GLIS1: variants seen among roughly 807,000 people sequenced by gnomAD.
The protein encoded by GLIS1 is zinc finger protein GLIS1.
A neutral mutation model predicts 63.8 loss-of-function variants in GLIS1; 24 were observed. That is an observed-to-expected ratio of 0.38 (90% CI 0.27 to 0.53). The LOEUF is 0.53. Ranked by LOEUF, GLIS1 falls within the 20% of genes least tolerant of loss-of-function variation. GLIS1 has a pLI of 0.85. For synonymous variants in GLIS1, 450 were observed against 482.5 expected (o/e 0.93, Z 0.88); for missense variants, 1,036 against 1,074.1 (o/e 0.96, Z 0.50).
At chr1:53,548,275 C>T (rs1001313082) in intron 4 of GLIS1, among the ~76,000 whole-genome samples, 2 of 152,208 alleles carry the variant, frequency 1.3e-5, no homozygotes, top group Admixed American at 6.5e-5. Context: ...CACACCAACA[C>T]GGGACTTCAA....
intron 2 of GLIS1, among the ~76,000 whole-genome samples, chr1:53,697,556 C>G (rs1285431517): frequency 6.6e-6 from 1 of 152,182 alleles, no homozygotes; most frequent in Non-Finnish European, 1.5e-5. Flanking sequence ...CCACCCCCAG[C>G]AGAGATCCAA....
intron 2 of GLIS1, among the ~76,000 whole-genome samples, chr1:53,666,763 C>T (rs142490539): frequency 4.6e-5 from 7 of 152,208 alleles, no homozygotes; most frequent in East Asian, 1.9e-4. Flanking sequence ...CCCTTCCCAT[C>T]GGCAGGTCTG....
chr1:53,576,660 G>A (rs563593435), intron 4 of GLIS1, among the ~76,000 whole-genome samples: 6 of 152,228 alleles, frequency 3.9e-5, no homozygotes, highest in African/African-American at 1.2e-4. Flanking sequence ...GATCAGCTCC[G>A]CCTTCCTGGA....
chr1:53,587,409 C>A (rs975762325), intron 4 of GLIS1, among the ~76,000 whole-genome samples: 1 of 152,154 alleles, frequency 6.6e-6, no homozygotes, highest in Non-Finnish European at 1.5e-5. Context: ...CCATCCAATC[C>A]TAGATTGAGT....
chr1:53,526,490 C>T lies in GLIS1; in HGVS notation c.1483-1603G>A, dbSNP rs1212144918. Among the ~76,000 whole-genome samples, 7 of 152,182 alleles carry T rather than the reference C, an allele frequency of 4.6e-5. No homozygotes were observed. The highest frequency in any genetic ancestry group is 2.1e-4 in the South Asian group (1 of 4,828). The stretch of plus-strand genomic sequence containing the variant: ...ATGGCCCCTGCTGCCCCCAGCCCAC[C>T]GCACCCCAGAGGTAGGCTCCCTCTC... On this transcript the variant is annotated intron_variant, in intron 5 of 10. Transcript: ENST00000628545. The surrounding 1 kb of genome is among the most constrained non-coding windows in gnomAD (Gnocchi z 4.4).
At chr1:53,579,247 G>A (rs1557461113) in intron 4 of GLIS1, among the ~76,000 whole-genome samples, 1 of 152,198 alleles carries the variant, frequency 6.6e-6, no homozygotes, top group Non-Finnish European at 1.5e-5. Context: ...TCTCACCAAT[G>A]GGGACTGGAC....
rs192869878 is a variant in GLIS1, at chr1:53,608,140, T to C, written c.260-7862A>G. Among the ~76,000 whole-genome samples the C allele has an allele frequency of 9.2e-4, 140 of 152,232 alleles. 1 individual carries two copies. The highest frequency in any genetic ancestry group is 3.1e-3 in the African/African-American group (130 of 41,528). On this transcript the variant is annotated intron_variant, in intron 2 of 10. Coordinates refer to ENST00000628545, the MANE Select transcript of GLIS1 (RefSeq NM_001367484.1). ...ACCACCATACTTGGCTAATTTTTTA[T>C]TTTTTAGAGATGAGGTCTCACTATG...
At chr1:53,720,290 C>G (rs187000976) in intron 2 of GLIS1, among the ~76,000 whole-genome samples, 1 of 152,102 alleles carries the variant, frequency 6.6e-6, no homozygotes, top group African/African-American at 2.4e-5. Context: ...AGAGAAAATG[C>G]GGTATAAATA....
At chr1:53,680,662 A>G (rs1646265441) in intron 2 of GLIS1, among the ~76,000 whole-genome samples, 1 of 152,258 alleles carries the variant, frequency 6.6e-6, no homozygotes, top group Non-Finnish European at 1.5e-5. Flanking sequence ...TCACGTGGCC[A>G]GAAAACAAAT....
rs548070104 is a variant in GLIS1, at chr1:53,535,312, G to A, written c.1321-5360C>T. Among the ~76,000 whole-genome samples, 7 of 152,162 alleles carry A rather than the reference G, an allele frequency of 4.6e-5. No homozygotes were observed. In the South Asian group the frequency reaches 1.4e-3, roughly 32 times the overall value. ...ACTTCTGCTGGCTGGACCACCCCAG[G>A]TCACGCAGGGCTGATGCCCTGGGTC... On this transcript the variant is annotated intron_variant, in intron 4 of 10. Transcript: ENST00000628545.
At chr1:53,694,856 G>A (rs955109108) in intron 2 of GLIS1, among the ~76,000 whole-genome samples, 6 of 152,184 alleles carry the variant, frequency 3.9e-5, no homozygotes, top group Admixed American at 2.6e-4. Context: ...GTACTGGTAC[G>A]GAAGGGTGGC....
chr1:53,571,555 T>C (rs1180894297), intron 4 of GLIS1, among the ~76,000 whole-genome samples: 3 of 152,042 alleles, frequency 2.0e-5, no homozygotes, highest in Non-Finnish European at 4.4e-5. Flanking sequence ...GAATGAATTA[T>C]AGCTGCACAC....
At chr1:53,686,995 T>C (rs1646343996) in intron 2 of GLIS1, among the ~76,000 whole-genome samples, 1 of 152,114 alleles carries the variant, frequency 6.6e-6, no homozygotes, top group Non-Finnish European at 1.5e-5. Context: ...GAGCTGTGTA[T>C]AGGAGGCTCC....
intron 4 of GLIS1, among the ~76,000 whole-genome samples, chr1:53,550,261 G>A (rs966164039): frequency 6.6e-6 from 1 of 152,186 alleles, no homozygotes; most frequent in Non-Finnish European, 1.5e-5. Flanking sequence ...GTTTCAGAAC[G>A]ATGATGTCAG....
In GLIS1 at chr1:53,526,380, G is replaced by T. The variant is rs1363468039; in HGVS notation, c.1483-1493C>A. Among the ~76,000 whole-genome samples the T allele has an allele frequency of 1.3e-5, 2 of 152,230 alleles. No homozygotes were observed. Among genetic ancestry groups the T allele is most frequent in the Non-Finnish European group, 2.9e-5 (2 of 68,036 alleles). Reference sequence around the variant, plus strand: ...TGCCATGGAGAGTTGCCAGATTAAAGAAACGGAGGAGAGCAAAAAGAGAGA... The same window carrying T: ...TGCCATGGAGAGTTGCCAGATTAAATAAACGGAGGAGAGCAAAAAGAGAGA... On this transcript the variant is annotated intron_variant, in intron 5 of 10. Transcript: ENST00000628545. This position sits in a 1 kb window ranked among gnomAD's most constrained non-coding sequence, Gnocchi z 4.4.
rs145415220 is a variant in GLIS1, at chr1:53,629,280, C to T, written c.260-29002G>A. On this transcript the variant is annotated intron_variant, in intron 2 of 10. Coordinates refer to ENST00000628545, the MANE Select transcript of GLIS1 (RefSeq NM_001367484.1). ...CTCCTACCCATCCCTCAAGGCCCAG[C>T]TCAAATGCTTCCTCCCTGAAGCCCT... Among the ~76,000 whole-genome samples the T allele has an allele frequency of 1.9e-4, 29 of 152,282 alleles. No homozygotes were observed. The East Asian group carries it at 4.6e-3, about 24-fold the overall frequency.
intron 4 of GLIS1, among the ~76,000 whole-genome samples, chr1:53,591,272 T>A (rs1426519183): frequency 3.3e-5 from 5 of 152,092 alleles, no homozygotes; most frequent in African/African-American, 1.2e-4. Flanking sequence ...TGTGCCAGCA[T>A]CATGGAGGAG....
chr1:53,564,459 A>G (rs1465034), intron 4 of GLIS1, among the ~76,000 whole-genome samples: 33,371 of 152,154 alleles, frequency 0.22, 3,876 homozygotes, highest in East Asian at 0.43. Flanking sequence ...AGCAAAATGT[A>G]AGATATCAGA....
intron 8 of GLIS1, among the ~76,000 whole-genome samples, chr1:53,514,312 G>A (rs879827098): frequency 1.4e-3 from 210 of 152,290 alleles, no homozygotes; most frequent in African/African-American, 4.8e-3. Flanking sequence ...TCCATTCTGC[G>A]TGTGGCAGCC....
Sources: allele counts gnomAD v4.1 joint callset (sites outside exome capture counted in the v4.1 genomes callset), GRCh38; gene constraint gnomAD v4.1.1; non-coding constraint Gnocchi (gnomAD v3.1); transcripts MANE v1.5; gene names NCBI Gene and HGNC (gene_info 2026-07-23, HGNC 2026-07-21).